The following EXPH5 variants were observed in gnomAD, a reference collection of about 807,000 sequenced individuals.
The protein encoded by EXPH5 is exophilin-5.
In EXPH5, 42 loss-of-function variants were observed where a neutral mutation model predicts 41.1. That is an observed-to-expected ratio of 1.02 (90% CI 0.80 to 1.32). The LOEUF (loss-of-function observed/expected upper bound fraction) is 1.32. EXPH5 is among the 40% of genes most tolerant of loss of function. The pLI is 0.00. For synonymous variants in EXPH5, 798 were observed against 833.5 expected, an observed-to-expected ratio of 0.96 and a Z score of 0.73; for missense variants, 2,298 against 2,314.5, an observed-to-expected ratio of 0.99 and a Z score of 0.15.
chr11:108,552,577 T>C (rs1470962650), intron 1 of EXPH5, among the ~76,000 whole-genome samples: 1 of 152,182 alleles, frequency 6.6e-6, no homozygotes, highest in Non-Finnish European at 1.5e-5. Context: ...TGAATGGCTG[T>C]GATAGAGACT....
upstream of EXPH5, among the ~76,000 whole-genome samples, chr11:108,598,046 G>A (rs1299703706): frequency 6.6e-6 from 1 of 152,184 alleles, no homozygotes; most frequent in Non-Finnish European, 1.5e-5. Flanking sequence ...AATTTAGAGT[G>A]TGATAAGTGT....
intron 4 of EXPH5, 146 bp downstream of exon 4, chr11:108,527,990 A>C (rs2093811167): frequency 1.7e-6 from 1 of 587,596 alleles, no homozygotes. Context: ...TATAATTGGG[A>C]AAATTTGAAC....
chr11:108,533,318 C>T (rs2093856050), intron 3 of EXPH5, among the ~76,000 whole-genome samples: 1 of 152,020 alleles, frequency 6.6e-6, no homozygotes, highest in African/African-American at 2.4e-5. Context: ...ATTCTCCTGC[C>T]TCAGCCTCCC....
At chr11:108,517,229 C>A (rs964995739) in intron 5 of EXPH5, among the ~76,000 whole-genome samples, 1 of 152,206 alleles carries the variant, frequency 6.6e-6, no homozygotes, top group Non-Finnish European at 1.5e-5. Flanking sequence ...TGTTCTGCTT[C>A]TCTACATTAG....
At chr11:108,558,608 G>A (rs2093999498) in intron 1 of EXPH5, among the ~76,000 whole-genome samples, 1 of 152,122 alleles carries the variant, frequency 6.6e-6, no homozygotes, top group African/African-American at 2.4e-5. Context: ...ACTTTCTGTT[G>A]CTCCTGTCTG....
chr11:108,538,136 T>C, intron 3 of EXPH5: 1 of 985,458 alleles, frequency 1.0e-6, no homozygotes, highest in Non-Finnish European at 1.2e-6. Context: ...TCCAGCAGCC[T>C]CATCACACAA....
intron 1 of EXPH5, among the ~76,000 whole-genome samples, chr11:108,551,227 T>G (rs1206824516): frequency 6.6e-6 from 1 of 152,186 alleles, no homozygotes; most frequent in South Asian, 2.1e-4. Context: ...TAACCGTGTA[T>G]CTCATTGTCT....
At chr11:108,601,414 A>C in the EXPH5 span, among the ~76,000 whole-genome samples, 2 of 152,242 alleles carry the variant, frequency 1.3e-5, no homozygotes, top group African/African-American at 4.8e-5. Flanking sequence ...TAGTATTTCC[A>C]AGACTGACTA....
intron 1 of EXPH5, among the ~76,000 whole-genome samples, chr11:108,561,157 T>C (rs1417184033): frequency 6.6e-6 from 1 of 152,226 alleles, no homozygotes; most frequent in Non-Finnish European, 1.5e-5. Context: ...AAAAGACATG[T>C]CAATGCAAAG....
chr11:108,591,489 AT>A (rs1310134828), intron 1 of EXPH5, among the ~76,000 whole-genome samples: 1 of 152,224 alleles, frequency 6.6e-6, no homozygotes, highest in East Asian at 1.9e-4. Flanking sequence ...TGCCTTGGGT[AT>A]TTGGTCCACA....
Position 108,512,161 on chromosome 11 carries a change from G to A in EXPH5, c.3346C>T (p.Pro1116Ser), listed in dbSNP as rs1262793750. The A allele has an allele frequency of 6.2e-7, 1 of 1,612,542 alleles. No homozygotes were observed. Among genetic ancestry groups the A allele is most frequent in the Non-Finnish European group, 8.5e-7 (1 of 1,179,486 alleles). The change falls in exon 6 of 6, where the codon CCA becomes TCA. Residue 1116 changes from proline (P) to serine (S), a missense_variant. Pro to Ser is a moderately conservative substitution (Grantham distance 74). Coordinates refer to ENST00000265843, the MANE Select transcript of EXPH5 (RefSeq NM_015065.3). ...GSTSVRKGPL[P>S]FLINRAMSCP... is the part of the protein sequence containing the mutation. ...GACATAGCCCTGTTGATGAGGAATGGAAGTGGTCCTTTTCTAACGGAAGTA... is the reference window on the plus strand; with the variant it reads ...GACATAGCCCTGTTGATGAGGAATGAAAGTGGTCCTTTTCTAACGGAAGTA...
At chr11:108,579,547 A>T (rs1248739852) in intron 1 of EXPH5, among the ~76,000 whole-genome samples, 1 of 152,040 alleles carries the variant, frequency 6.6e-6, no homozygotes, top group Non-Finnish European at 1.5e-5. Flanking sequence ...GTAAAAAAAA[A>T]AAAAAGTAAA....
At position 108,513,072 on chromosome 11, in the gene EXPH5, A is replaced by C. The variant is rs779195592; in HGVS notation, c.2435T>G (p.Phe812Cys). 4 of 1,611,912 alleles carry C rather than the reference A, an allele frequency of 2.5e-6. No individual in the cohort carries two copies. The highest frequency in any genetic ancestry group is 1.7e-5 in the Admixed American group (1 of 59,532). The change falls in exon 6 of 6, where the codon TTC (phenylalanine) becomes TGC (cysteine). Residue 812 changes from phenylalanine to cysteine, a missense_variant. Coordinates refer to ENST00000265843, the MANE Select transcript of EXPH5 (RefSeq NM_015065.3). ...RKLGSTASLP[F>C]IQEHRTPPSF... ...TGGTGGTGTTCTGTGTTCCTGAATGAAAGGAAGGGAAGCTGTTGAGCCAAG... is the reference window on the plus strand; with the variant it reads ...TGGTGGTGTTCTGTGTTCCTGAATGCAAGGAAGGGAAGCTGTTGAGCCAAG...
chr11:108,543,716 C>T (rs1471704759), intron 1 of EXPH5, among the ~76,000 whole-genome samples: 1 of 152,160 alleles, frequency 6.6e-6, no homozygotes, highest in Non-Finnish European at 1.5e-5. Context: ...TATGATACTG[C>T]TATTTTATAA....
At chr11:108,590,114 T>C (rs998126398) in intron 1 of EXPH5, among the ~76,000 whole-genome samples, 2 of 152,204 alleles carry the variant, frequency 1.3e-5, no homozygotes, top group African/African-American at 4.8e-5. Flanking sequence ...GTAAGGCGTA[T>C]CTTGATAGAT....
At position 108,543,083 on chromosome 11, in the gene EXPH5, C is replaced by A. The variant is rs538737578; in HGVS notation, c.120-1271G>T. 4.6e-5 allele frequency among the ~76,000 whole-genome samples: 7 copies of A among 152,150 alleles called. No individual in the cohort carries two copies. The East Asian group carries it at 1.4e-3, about 29-fold the overall frequency. On this transcript the variant is annotated intron_variant, in intron 1 of 5. Transcript: ENST00000265843. ...AAAACACAAAAGCCCATGAGTGAGC[C>A]CAGGTCTAATGCAAAGGTAGTAAGG... is the stretch of plus-strand genomic sequence containing the variant.
At chr11:108,518,411 C>T (rs534833105) in intron 4 of EXPH5, 38 bp from the exon 5 acceptor site, 5 of 1,599,816 alleles carry the variant, frequency 3.1e-6, no homozygotes, top group Non-Finnish European at 4.3e-6. Context: ...TATTTCTGAG[C>T]CTTCACCAGT....
intron 1 of EXPH5, among the ~76,000 whole-genome samples, chr11:108,572,169 C>A (rs1160347263): frequency 2.0e-5 from 3 of 152,294 alleles, no homozygotes; most frequent in African/African-American, 7.2e-5. Flanking sequence ...GGCACGACAG[C>A]ATTTGTGTTT....
chr11:108,509,607 T>A lies in EXPH5; in HGVS notation c.5900A>T (p.Asp1967Val). 6.2e-7 allele frequency: 1 copy of A among 1,607,638 alleles called. No homozygotes were observed. The highest frequency in any genetic ancestry group is 8.5e-7 in the Non-Finnish European group (1 of 1,177,890). The change falls in exon 6 of 6, where the codon GAT (aspartate) becomes GTT (valine). Residue 1967 changes from aspartate to valine, a missense_variant. Transcript: ENST00000265843. ...NIYEDDPVDSDCDTDTTTDDE... is the reference protein window; with the variant it reads ...NIYEDDPVDSVCDTDTTTDDE... The stretch of plus-strand genomic sequence containing the variant: ...ATCTGTGGTTGTGTCTGTGTCACAA[T>A]CTGAGTCCACTGGGTCATCCTCATA...
Sources: allele counts gnomAD v4.1 joint callset (sites outside exome capture counted in the v4.1 genomes callset), GRCh38; gene constraint gnomAD v4.1.1; transcripts MANE v1.5; gene names NCBI Gene and HGNC (gene_info 2026-07-23, HGNC 2026-07-21).